The following FLVCR2 variants were observed in gnomAD, a reference collection of about 807,000 sequenced individuals.
FLVCR2 encodes the protein FLVCR choline and putative heme transporter 2.
Under a neutral mutation model 48.9 loss-of-function variants are expected in FLVCR2, and 38 were observed. That is an observed-to-expected ratio of 0.78 (90% CI 0.60 to 1.02). The LOEUF is 1.02. FLVCR2 is among the 50% of genes least tolerant of loss of function. FLVCR2 has a pLI of 0.00. For missense variants in FLVCR2, 664 were observed against 663.3 expected, an observed-to-expected ratio of 1.00 and a Z score of -0.01; for synonymous variants, 255 against 257.0, an observed-to-expected ratio of 0.99 and a Z score of 0.07.
intron 1 of FLVCR2, among the ~76,000 whole-genome samples, chr14:75,586,489 G>A (rs1888752358): frequency 6.6e-6 from 1 of 152,054 alleles, no homozygotes; most frequent in Non-Finnish European, 1.5e-5. Context: ...TGGGCTCAGA[G>A]GCCTGACAAA....
intron 1 of FLVCR2, among the ~76,000 whole-genome samples, chr14:75,602,917 T>C (rs140839942): frequency 1.6e-4 from 25 of 152,370 alleles, no homozygotes; most frequent in African/African-American, 6.0e-4. Flanking sequence ...CCTGTTCCCC[T>C]GCTGCCCTCA....
intron 1 of FLVCR2, among the ~76,000 whole-genome samples, chr14:75,614,466 C>T (rs968692635): frequency 3.9e-5 from 6 of 152,120 alleles, no homozygotes; most frequent in African/African-American, 7.2e-5. Context: ...TAGTGAGGAT[C>T]GTCAAGGAAA....
At chr14:75,633,934 A>ATT (rs1180608864) in intron 4 of FLVCR2, among the ~76,000 whole-genome samples, 1 of 141,324 alleles carries the variant, frequency 7.1e-6, no homozygotes, top group African/African-American at 2.6e-5. Context: ...CTGAGCTCTC[A>ATT]TTTTTTTTTT....
At position 75,603,798 on chromosome 14, in the gene FLVCR2, C is replaced by T. The variant is rs529820872; in HGVS notation, c.670-18281C>T. 3.9e-5 allele frequency among the ~76,000 whole-genome samples: 6 copies of T among 152,254 alleles called. 1 individual carries two copies. The highest frequency in any genetic ancestry group is 7.2e-5 in the African/African-American group (3 of 41,542). ...AAGCGATCACTCCAGCTCCTGTGCCCGCTTGCCTGTGTGCTCCCACTCCCT... is the reference window on the plus strand; with the variant it reads ...AAGCGATCACTCCAGCTCCTGTGCCTGCTTGCCTGTGTGCTCCCACTCCCT... On this transcript the variant is annotated intron_variant, in intron 1 of 9. Transcript: ENST00000238667.
intron 5 of FLVCR2, among the ~76,000 whole-genome samples, chr14:75,639,082 C>T (rs578043707): frequency 1.3e-3 from 197 of 152,218 alleles, no homozygotes; most frequent in Non-Finnish European, 2.1e-3. Context: ...AGGCGTGATG[C>T]GCACAACTGT....
At chr14:75,630,636 G>GTT (rs1890019714) in intron 3 of FLVCR2, among the ~76,000 whole-genome samples, 1 of 152,096 alleles carries the variant, frequency 6.6e-6, no homozygotes, top group South Asian at 2.1e-4. Context: ...TGGGAGGATC[G>GTT]TTTGAGGTCA....
At chr14:75,605,670 G>A (rs750038384) in intron 1 of FLVCR2, 102 of 1,520,478 alleles carry the variant, frequency 6.7e-5, no homozygotes, top group Admixed American at 9.8e-5. Flanking sequence ...GGGTTCAGCC[G>A]TGTGTCCGGA....
Position 75,622,181 on chromosome 14 carries a change from G to A in FLVCR2, c.772G>A (p.Gly258Arg). ...YHISIMFYII[G>R]GVATLLLILV... The stretch of plus-strand genomic sequence containing the variant: ...CATCAGCATCATGTTCTATATAATA[G>A]GAGGTGTGGCCACTCTCCTCCTCAT... Residue 258 changes from glycine to arginine, a missense_variant, in exon 2 of 10, where the codon GGA becomes AGA. Coordinates refer to ENST00000238667, the MANE Select transcript of FLVCR2 (RefSeq NM_017791.3). The A allele has an allele frequency of 1.2e-6, 2 of 1,614,042 alleles. No homozygotes were observed. Among genetic ancestry groups the A allele is most frequent in the South Asian group, 2.2e-5 (2 of 91,074 alleles).
In FLVCR2 at chr14:75,579,175, G is replaced by A; in HGVS notation, c.203G>A (p.Ser68Asn). Reference protein sequence around the residue: ...LAQPSGLAHPSSSGPEDLSVI... With the variant: ...LAQPSGLAHPNSSGPEDLSVI... ...CAACCCAGTGGCTTGGCTCACCCCA[G>A]TAGCTCGGGCCCTGAGGACCTCAGC... Residue 68 changes from serine to asparagine, a missense_variant, in exon 1 of 10, where the codon AGT (serine) becomes AAT (asparagine). Physicochemically the swap from Ser to Asn is conservative, Grantham distance 46. Coordinates refer to ENST00000238667, the MANE Select transcript of FLVCR2 (RefSeq NM_017791.3). 6.2e-7 allele frequency: 1 copy of A among 1,614,128 alleles called. No homozygotes were observed. Among genetic ancestry groups the A allele is most frequent in the Non-Finnish European group, 8.5e-7 (1 of 1,180,022 alleles).
chr14:75,629,762 G>C (rs28621879), intron 3 of FLVCR2, among the ~76,000 whole-genome samples: 2,290 of 152,326 alleles, frequency 0.015, 59 homozygotes, highest in African/African-American at 0.053. Context: ...TACTCAAAGG[G>C]CGTACTTTTC....
chr14:75,632,924 G>A (rs1229889378), intron 3 of FLVCR2: 1 of 702,358 alleles, frequency 1.4e-6, no homozygotes. Flanking sequence ...CACCATTGAA[G>A]GGAGGCCAGG....
intron 1 of FLVCR2, among the ~76,000 whole-genome samples, chr14:75,608,131 C>G (rs1480343904): frequency 1.3e-5 from 2 of 152,204 alleles, no homozygotes; most frequent in Non-Finnish European, 2.9e-5. Flanking sequence ...CTTCTCTAGA[C>G]ACACATCGTG....
At chr14:75,606,560 C>A (rs1323865371) in intron 1 of FLVCR2, among the ~76,000 whole-genome samples, 1 of 152,166 alleles carries the variant, frequency 6.6e-6, no homozygotes, top group Non-Finnish European at 1.5e-5. Context: ...TAGGGGAAGC[C>A]AGCAGCTGAG....
chr14:75,641,286 C>T lies in FLVCR2; in HGVS notation c.1446C>T (p.Ala482=), dbSNP rs768605943. The change falls in exon 8 of 10, where the codon GCC becomes GCT. Residue 482 remains alanine (A), a synonymous_variant. Transcript: ENST00000238667. ...GTGTGTTCCTTACTCTTGGAGCAGC[C>T]CTCACTGGTGAGTTGGAGCCTGAGG... is the stretch of plus-strand genomic sequence containing the variant. ...FLCVFLTLGA[A]LTAFIKADLR... The T allele has an allele frequency of 6.2e-6, 10 of 1,612,940 alleles. No individual in the cohort carries two copies. The highest frequency in any genetic ancestry group is 8.5e-6 in the Non-Finnish European group (10 of 1,179,074).
At chr14:75,580,269 CTT>C (rs1418972370) in intron 1 of FLVCR2, among the ~76,000 whole-genome samples, 1 of 152,168 alleles carries the variant, frequency 6.6e-6, no homozygotes, top group African/African-American at 2.4e-5. Context: ...ATCTTTTTCT[CTT>C]TCTTTCTTAT....
intron 1 of FLVCR2, among the ~76,000 whole-genome samples, chr14:75,619,194 T>TGAGATCTGTCA (rs1889698486): frequency 6.6e-6 from 1 of 152,046 alleles, no homozygotes; most frequent in East Asian, 1.9e-4. Context: ...GCCACTGCAC[T>TGAGATCTGTCA]CCGTCCTGGT....
intron 1 of FLVCR2, among the ~76,000 whole-genome samples, chr14:75,616,047 A>AAAAG (rs1259725425): frequency 6.7e-6 from 1 of 148,150 alleles, no homozygotes; most frequent in African/African-American, 2.5e-5. Context: ...AAAAAAAAAA[A>AAAAG]ATAGCGTAAG....
chr14:75,645,795 A>C (rs963122798), intron 9 of FLVCR2, among the ~76,000 whole-genome samples: 7 of 151,764 alleles, frequency 4.6e-5, no homozygotes, highest in African/African-American at 1.7e-4. Context: ...GTGGGCACCT[A>C]TAATCCCAGC....
Position 75,579,535 on chromosome 14 carries a change from C to G in FLVCR2, c.563C>G (p.Ser188Cys). The change falls in exon 1 of 10, where the codon TCT (serine) becomes TGT (cysteine). Residue 188 changes from serine to cysteine, a missense_variant. Ser to Cys is a moderately radical substitution (Grantham distance 112). Coordinates refer to ENST00000238667, the MANE Select transcript of FLVCR2 (RefSeq NM_017791.3). ...ACCGTGGTGGGCCAGCTCATCTGCTCTGTGGCCCAGGTTTTCATCCTGGGC... is the reference window on the plus strand; with the variant it reads ...ACCGTGGTGGGCCAGCTCATCTGCTGTGTGGCCCAGGTTTTCATCCTGGGC... ...PVTVVGQLIC[S>C]VAQVFILGMP... The G allele has an allele frequency of 1.2e-6, 2 of 1,613,804 alleles. No homozygotes were observed. Among genetic ancestry groups the G allele is most frequent in the Middle Eastern group, 1.7e-4 (1 of 6,060 alleles).
Sources: allele counts gnomAD v4.1 joint callset (sites outside exome capture counted in the v4.1 genomes callset), GRCh38; gene constraint gnomAD v4.1.1; transcripts MANE v1.5; gene names NCBI Gene and HGNC (gene_info 2026-07-23, HGNC 2026-07-21).